Variants in FGL2 observed in about 807,000 individuals in gnomAD.
The protein encoded by FGL2 is fibrinogen like 2.
In FGL2, 21 loss-of-function variants were observed where a neutral mutation model predicts 36.0. The ratio of observed to expected loss-of-function variants is 0.58; its 90% CI spans 0.41 to 0.84. The LOEUF (loss-of-function observed/expected upper bound fraction) is 0.84, where lower values mean the gene tolerates loss of function less well. FGL2 is among the 40% of genes least tolerant of loss of function. The pLI is 0.00. For missense variants in FGL2, 444 were observed against 526.3 expected (o/e 0.84, Z 1.53); for synonymous variants, 183 against 190.7 (o/e 0.96, Z 0.33).
rs768168999 is a variant in FGL2 at position 77,199,622 on chromosome 7, G to C, written c.172C>G (p.Gln58Glu). Residue 58 changes from glutamine to glutamate, a missense_variant, in exon 1 of 2, where the codon CAG becomes GAG. Gln to Glu is a conservative substitution (Grantham distance 29). Coordinates refer to ENST00000248598, the MANE Select transcript of FGL2 (RefSeq NM_006682.3). ...KCEEAGECPY[Q>E]VSLPPLTIQL... ...ATAGTCAAGGGGGGCAGGCTTACCT[G>C]GTAGGGGCACTCCCCTGCCTCTTCG... The C allele has an allele frequency of 1.7e-5, 28 of 1,614,020 alleles. No individual in the cohort carries two copies. Among genetic ancestry groups the C allele is most frequent in the Non-Finnish European group, 2.3e-5 (27 of 1,180,002 alleles).
intron 1 of FGL2, chr7:77,198,404 A>G (rs1791916067): frequency 5.7e-6 from 4 of 703,050 alleles, no homozygotes; most frequent in Non-Finnish European, 7.0e-6. Context: ...TGAAAAGCCA[A>G]GGTTTGGAGA....
intron 1 of FGL2, chr7:77,198,886 TA>T: frequency 2.2e-6 from 1 of 452,948 alleles, no homozygotes; most frequent in Non-Finnish European, 3.9e-6. Context: ...TTAAATGCAC[TA>T]AAACATCAAG....
Position 77,199,173 on chromosome 7 carries a change from A to G in FGL2, c.613+8T>C. 2 of 1,608,710 alleles carry G rather than the reference A, an allele frequency of 1.2e-6. No individual in the cohort carries two copies. Among genetic ancestry groups the G allele is most frequent in the African/African-American group, 1.3e-5 (1 of 74,814 alleles). ...GAACATATGATAAGAAAACATTATT[A>G]TACATACCTGGACGTGACTGTATTT... On this transcript the variant is annotated splice_region_variant and intron_variant, in intron 1 of 1. Transcript: ENST00000248598.
rs748505262 is a variant in FGL2 at position 77,199,799 on chromosome 7, CA to C, written c.-7del. ...TACCAGTTAGCCAGCTTCATCTTTA[CA>C]GTGCTGCTCACCCCAGCAGGGAGTG... is the stretch of plus-strand genomic sequence containing the variant. On this transcript the variant is annotated 5_prime_UTR_variant, in exon 1 of 2. Coordinates refer to ENST00000248598, the MANE Select transcript of FGL2 (RefSeq NM_006682.3). The C allele has an allele frequency of 4.3e-6, 7 of 1,611,604 alleles. No homozygotes were observed. The highest frequency in any genetic ancestry group is 5.9e-6 in the Non-Finnish European group (7 of 1,178,430).
intron 1 of FGL2, chr7:77,198,365 G>A: frequency 3.1e-6 from 3 of 967,410 alleles, no homozygotes; most frequent in Non-Finnish European, 3.7e-6. Flanking sequence ...GTATGAGACA[G>A]TCAGCAACAG....
rs1179870505 is a variant in FGL2 at position 77,199,550 on chromosome 7, C to T, written c.244G>A (p.Val82Ile). Residue 82 changes from valine (V) to isoleucine (I), a missense_variant, in exon 1 of 2, where the codon GTC (valine) becomes ATC (isoleucine). Coordinates refer to ENST00000248598, the MANE Select transcript of FGL2 (RefSeq NM_006682.3). ...TTTACGATTTCCTTGAGGTTTTGGA[C>T]TTCTTTGAACACCTCCTCGATCCTG... ...FSRIEEVFKEVQNLKEIVNSL... is the reference protein window; with the variant it reads ...FSRIEEVFKEIQNLKEIVNSL... The T allele has an allele frequency of 6.2e-7, 1 of 1,614,126 alleles. No individual in the cohort carries two copies. The highest frequency in any genetic ancestry group is 8.5e-7 in the Non-Finnish European group (1 of 1,180,006).
rs1041756640 is a variant in FGL2, at chr7:77,194,832, T to G, written c.*1447A>C. ...TCTCTGAGATGATCCCTTTTTACGA[T>G]GATGAAATTAAACACATTTAAAAAG... is the stretch of plus-strand genomic sequence containing the variant. On this transcript the variant is annotated 3_prime_UTR_variant, in exon 2 of 2. Transcript: ENST00000248598. 6.6e-6 allele frequency: 1 copy of G among 152,154 alleles called. No homozygotes were observed. Among genetic ancestry groups the G allele is most frequent in the East Asian group, 1.9e-4 (1 of 5,200 alleles). The allele number at this position is 152,154 out of a possible 1,614,324, so 9.4% of individuals were successfully genotyped here.
chr7:77,198,392 G>A (rs1263329617), intron 1 of FGL2: 3 of 871,644 alleles, frequency 3.4e-6, no homozygotes, highest in Non-Finnish European at 4.1e-6. Flanking sequence ...CAGTGACTCA[G>A]GTGAAAAGCC....
At position 77,198,365 on chromosome 7, in the gene FGL2, G is replaced by C. The variant is rs149008885; in HGVS notation, c.613+816C>G. On this transcript the variant is annotated intron_variant, in intron 1 of 1. Transcript: ENST00000248598. The stretch of plus-strand genomic sequence containing the variant: ...AGATGGCTTTCCAAAGTATGAGACA[G>C]TCAGCAACAGTGGTCCCAGTGACTC... 2.8e-5 allele frequency: 27 copies of C among 967,410 alleles called. No homozygotes were observed. The African/African-American group carries it at 4.7e-4, about 17-fold the overall frequency. The allele number at this position is 967,410 out of a possible 1,614,324, so 59.9% of individuals were successfully genotyped here. A position where few individuals can be genotyped will look rare whatever the true frequency, so the allele number is the denominator to read the frequency against.
chr7:77,198,139 G>T (rs1791910705), intron 1 of FGL2: 2 of 985,306 alleles, frequency 2.0e-6, no homozygotes, highest in East Asian at 1.1e-4. Flanking sequence ...GTGAACCTTG[G>T]ATTCGCAGTG....
chr7:77,199,244 C>T lies in FGL2; in HGVS notation c.550G>A (p.Val184Ile). ...DSKVANLTFV[V>I]NSLDGKCSKC... ...GAACATTTGCCATCCAAACTATTGA[C>T]AACAAATGTTAGATTTGCCACTTTG... Residue 184 changes from valine (V) to isoleucine (I), a missense_variant, in exon 1 of 2, where the codon GTC becomes ATC. By Grantham distance (29) the Val-to-Ile change is conservative. Transcript: ENST00000248598. 1 of 1,613,952 alleles carries T rather than the reference C, an allele frequency of 6.2e-7. No homozygotes were observed. Among genetic ancestry groups the T allele is most frequent in the South Asian group, 1.1e-5 (1 of 91,078 alleles).
In FGL2 at chr7:77,199,636, C is replaced by T. The variant is rs2075761; in HGVS notation, c.158G>A (p.Gly53Glu). Residue 53 changes from glycine to glutamate, a missense_variant, in exon 1 of 2, where the codon GGG becomes GAG. By Grantham distance (98) the Gly-to-Glu change is moderately conservative. Coordinates refer to ENST00000248598, the MANE Select transcript of FGL2 (RefSeq NM_006682.3). ...CAGGCTTACCTGGTAGGGGCACTCC[C>T]CTGCCTCTTCGCATTTCCCTCTGCT... ...LESRGKCEEA[G>E]ECPYQVSLPP... 173,325 of 1,614,050 alleles carry T rather than the reference C, an allele frequency of 0.11. 12,029 individuals are homozygous for T. The highest frequency in any genetic ancestry group is 0.31 in the East Asian group (13,726 of 44,868).
Position 77,196,714 on chromosome 7 carries a change from A to C in FGL2, c.885T>G (p.Ser295Arg). The C allele has an allele frequency of 6.2e-7, 1 of 1,614,010 alleles. No individual in the cohort carries two copies. ...GNDKIHLLTK[S>R]KEMILRIDLE... Reference sequence around the variant, plus strand: ...GATCTATTCTCAGAATCATTTCCTTACTCTTGGTCAGAAGATGAATTTTAT... The same window carrying C: ...GATCTATTCTCAGAATCATTTCCTTCCTCTTGGTCAGAAGATGAATTTTAT... Residue 295 changes from serine to arginine, a missense_variant, in exon 2 of 2, where the codon AGT becomes AGG. Physicochemically the swap from Ser to Arg is moderately radical, Grantham distance 110. Transcript: ENST00000248598. The surrounding 1 kb of genome is among the most constrained non-coding windows in gnomAD (Gnocchi z 4.2).
Position 77,199,019 on chromosome 7 carries a change from T to C in FGL2, c.613+162A>G, listed in dbSNP as rs1791927969. The C allele has an allele frequency of 6.3e-6, 4 of 635,396 alleles. No individual in the cohort carries two copies. In the Admixed American group the frequency reaches 1.2e-4, roughly 19 times the overall value. The allele number at this position is 635,396 out of a possible 1,614,324, so 39.4% of individuals were successfully genotyped here. ...TTTTTGTAATTAGGTCATATTTATG[T>C]GGTCATATTTGAGAAGATATTTATT... On this transcript the variant is annotated intron_variant, in intron 1 of 1. Transcript: ENST00000248598.
chr7:77,199,626 G>A lies in FGL2; in HGVS notation c.168C>T (p.Pro56=), dbSNP rs777016783. The change falls in exon 1 of 2, where the codon CCC becomes CCT. Residue 56 remains proline (P), a synonymous_variant. Transcript: ENST00000248598. ...RGKCEEAGEC[P]YQVSLPPLTI... The stretch of plus-strand genomic sequence containing the variant: ...TCAAGGGGGGCAGGCTTACCTGGTA[G>A]GGGCACTCCCCTGCCTCTTCGCATT... 7.1e-5 allele frequency: 114 copies of A among 1,614,006 alleles called. 3 individuals carry two copies. The South Asian group carries it at 8.7e-4, about 12-fold the overall frequency.
intron 1 of FGL2, chr7:77,198,095 A>T (rs1791909786): frequency 1.0e-6 from 1 of 982,546 alleles, no homozygotes; most frequent in Non-Finnish European, 1.2e-6. Flanking sequence ...TGCAGCATCT[A>T]ATCTAATGTA....
chr7:77,199,389 A>G lies in FGL2; in HGVS notation c.405T>C (p.Ser135=). ...GCTCAGAGGACAGCTTGTTAACCTC[A>G]CTCTCTAATTCTCTAACTCTGTTAT... ...VGDNRVRELE[S]EVNKLSSELK... The change falls in exon 1 of 2, where the codon AGT becomes AGC. Residue 135 remains serine (S), a synonymous_variant. Transcript: ENST00000248598. The G allele has an allele frequency of 6.2e-7, 1 of 1,613,798 alleles. No individual in the cohort carries two copies. The highest frequency in any genetic ancestry group is 8.5e-7 in the Non-Finnish European group (1 of 1,179,938).
chr7:77,199,632 C>T lies in FGL2; in HGVS notation c.162G>A (p.Glu54=). 6.2e-7 allele frequency: 1 copy of T among 1,613,980 alleles called. No individual in the cohort carries two copies. The highest frequency in any genetic ancestry group is 1.1e-5 in the South Asian group (1 of 91,078). ...ESRGKCEEAG[E]CPYQVSLPPL... ...GGGGCAGGCTTACCTGGTAGGGGCA[C>T]TCCCCTGCCTCTTCGCATTTCCCTC... The change falls in exon 1 of 2, where the codon GAG becomes GAA. Residue 54 remains glutamate, a synonymous_variant. Transcript: ENST00000248598.
Position 77,196,404 on chromosome 7 carries a change from T to G in FGL2, c.1195A>C (p.Arg399=). 1 of 1,614,110 alleles carries G rather than the reference T, an allele frequency of 6.2e-7. No homozygotes were observed. The highest frequency in any genetic ancestry group is 8.5e-7 in the Non-Finnish European group (1 of 1,179,988). Residue 399 remains arginine, a synonymous_variant, in exon 2 of 2, where the codon AGA becomes CGA. Transcript: ENST00000248598. The surrounding 1 kb of genome is among the most constrained non-coding windows in gnomAD (Gnocchi z 4.2). ...LNGKYYHQKY[R]GVRNGIFWGT... is the part of the protein sequence containing the mutation. Reference sequence around the variant, plus strand: ...CAGAAAATCCCATTACGGACACCTCTGTATTTTTGGTGATAATATTTGCCA... The same window carrying G: ...CAGAAAATCCCATTACGGACACCTCGGTATTTTTGGTGATAATATTTGCCA...
Sources: allele counts gnomAD v4.1 joint callset, GRCh38; gene constraint gnomAD v4.1.1; non-coding constraint Gnocchi (gnomAD v3.1); transcripts MANE v1.5; gene names NCBI Gene and HGNC (gene_info 2026-07-23, HGNC 2026-07-21).